ARMC10: variants seen among roughly 807,000 people sequenced by gnomAD.
ARMC10 encodes armadillo repeat containing 10.
Under a neutral mutation model 30.2 loss-of-function variants are expected in ARMC10, and 23 were observed. The observed-to-expected ratio is 0.76, with a 90% CI of 0.55 to 1.08. The LOEUF (loss-of-function observed/expected upper bound fraction) is 1.08. Ranked by LOEUF, ARMC10 falls within the 50% of genes least tolerant of loss-of-function variation. ARMC10 has a pLI of 0.00. For missense variants in ARMC10, 303 were observed against 413.7 expected (o/e 0.73, Z 2.32); for synonymous variants, 111 against 164.4 (o/e 0.68, Z 2.48).
At chr7:103,095,152 T>C (rs565977205) in intron 5 of ARMC10, among the ~76,000 whole-genome samples, 12 of 152,222 alleles carry the variant, frequency 7.9e-5, no homozygotes, top group Admixed American at 3.9e-4. Flanking sequence ...CCAGGCTAGA[T>C]TGCAGTGGCA....
intron 4 of ARMC10, chr7:103,088,760 A>T (rs1332958449): frequency 5.3e-6 from 1 of 187,166 alleles, no homozygotes; most frequent in East Asian, 1.5e-4. Flanking sequence ...AGAACTTATT[A>T]CAGGTTTCAG....
intron 2 of ARMC10, among the ~76,000 whole-genome samples, chr7:103,078,904 G>A (rs2129520062): frequency 6.6e-6 from 1 of 152,262 alleles, no homozygotes; most frequent in East Asian, 1.9e-4. Context: ...AGCTACTCAG[G>A]AGGCTGTTTT....
rs200476156 is a variant in ARMC10, at chr7:103,075,837, C to T, written c.200C>T (p.Thr67Met). Residue 67 changes from threonine (T) to methionine (M), a missense_variant, in exon 2 of 7, where the codon ACG (threonine) becomes ATG (methionine). Transcript: ENST00000323716. Reference protein sequence around the residue: ...QLCGRSARPQTGGTWESQWSK... With the variant: ...QLCGRSARPQMGGTWESQWSK... ...TGCGGGCGCTCGGCCCGGCCTCAGA[C>T]GGGAGGTACCTGGGAGTCACAGTGG... 293 of 1,611,492 alleles carry T rather than the reference C, an allele frequency of 1.8e-4. 1 individual carries two copies. The highest frequency in any genetic ancestry group is 3.0e-4 in the South Asian group (27 of 90,396).
intron 2 of ARMC10, among the ~76,000 whole-genome samples, chr7:103,076,530 T>A (rs1249413829): frequency 6.6e-6 from 1 of 152,172 alleles, no homozygotes; most frequent in Non-Finnish European, 1.5e-5. Context: ...GCCAAATGCT[T>A]ATTTCACTTT....
Position 103,075,757 on chromosome 7 carries a change from A to AG in ARMC10, c.140-18dup. ...GGGCTGTTGAGGGGCCCAGAGCCATAGGTCAATCTCTGCTTGCAGGTGCCC... is the reference window on the plus strand; with the variant it reads ...GGGCTGTTGAGGGGCCCAGAGCCATAGGGTCAATCTCTGCTTGCAGGTGCCC... On this transcript the variant is annotated intron_variant, in intron 1 of 6. Transcript: ENST00000323716. 3.2e-6 allele frequency: 5 copies of AG among 1,581,224 alleles called. No individual in the cohort carries two copies. The highest frequency in any genetic ancestry group is 4.3e-6 in the Non-Finnish European group (5 of 1,161,314).
rs746573747 is a variant in ARMC10, at chr7:103,097,333, A to G, written c.762A>G (p.Gly254=). Residue 254 remains glycine (G), a synonymous_variant, in exon 6 of 7, where the codon GGA becomes GGG. Coordinates refer to ENST00000323716, the MANE Select transcript of ARMC10 (RefSeq NM_031905.5). ...CTGAAAATCCAGCCATGACAGAAGG[A>G]CTTCTCCGTGCCCAAGTAAATAGCT... The part of the protein sequence containing the change: ...NLSENPAMTE[G]LLRAQVDSSF... The G allele has an allele frequency of 5.0e-5, 81 of 1,612,338 alleles. No individual in the cohort carries two copies. Among genetic ancestry groups the G allele is most frequent in the Non-Finnish European group, 6.6e-5 (78 of 1,178,744 alleles).
intron 2 of ARMC10, among the ~76,000 whole-genome samples, chr7:103,081,671 A>G (rs1800395595): frequency 6.6e-6 from 1 of 151,564 alleles, no homozygotes; most frequent in Admixed American, 6.6e-5. Flanking sequence ...CACTGCACCC[A>G]GTCTATAAGC....
intron 3 of ARMC10, 72 bp downstream of exon 3, chr7:103,083,902 A>G: frequency 3.8e-6 from 6 of 1,563,026 alleles, no homozygotes; most frequent in Non-Finnish European, 4.4e-6. Context: ...CCCTGAATAA[A>G]TTACTTAACC....
chr7:103,078,118 C>T (rs1471591956), intron 2 of ARMC10, among the ~76,000 whole-genome samples: 1 of 152,108 alleles, frequency 6.6e-6, no homozygotes, highest in African/African-American at 2.4e-5. Context: ...GCCTCGGCCT[C>T]CGGAGTAGCT....
In ARMC10 at chr7:103,075,169, GC is replaced by G; in HGVS notation, c.-103del. The G allele has an allele frequency of 1.3e-6, 1 of 799,098 alleles. No homozygotes were observed. The highest frequency in any genetic ancestry group is 1.6e-6 in the Non-Finnish European group (1 of 631,872). The allele number at this position is 799,098 out of a possible 1,614,324, so 49.5% of individuals were successfully genotyped here. A position where few individuals can be genotyped will look rare whatever the true frequency, so the allele number is the denominator to read the frequency against. ...CCTTTCTCCACATCCAGGTCAGGTG[GC>G]GTTTGCTGTGGCGGCTAGGCCCGCG... is the stretch of plus-strand genomic sequence containing the variant. On this transcript the variant is annotated 5_prime_UTR_variant, in exon 1 of 7. Coordinates refer to ENST00000323716, the MANE Select transcript of ARMC10 (RefSeq NM_031905.5).
At chr7:103,093,155 TAA>T (rs1025126365) in intron 5 of ARMC10, among the ~76,000 whole-genome samples, 1 of 152,242 alleles carries the variant, frequency 6.6e-6, no homozygotes, top group Non-Finnish European at 1.5e-5. Flanking sequence ...AGATGCCCTA[TAA>T]AAAGTTTCTT....
chr7:103,092,134 C>T (rs1801386990), intron 4 of ARMC10, among the ~76,000 whole-genome samples: 1 of 152,028 alleles, frequency 6.6e-6, no homozygotes, highest in South Asian at 2.1e-4. Flanking sequence ...AGATCGAGAC[C>T]ATCGTGGCTA....
rs887672612 is a variant in ARMC10 at position 103,075,240 on chromosome 7, G to A, written c.-33G>A. ...CTGGCCCCCGCGAGCCTCCTGCCCT[G>A]GCCCGGCGCTGCGGCTCTGCCGCGG... On this transcript the variant is annotated 5_prime_UTR_variant, in exon 1 of 7. Transcript: ENST00000323716. 27 of 1,152,768 alleles carry A rather than the reference G, an allele frequency of 2.3e-5. No homozygotes were observed. The highest frequency in any genetic ancestry group is 2.8e-5 in the Non-Finnish European group (26 of 935,024). The allele number at this position is 1,152,768 out of a possible 1,614,324, so 71.4% of individuals were successfully genotyped here. A position where few individuals can be genotyped will look rare whatever the true frequency, so the allele number is the denominator to read the frequency against.
chr7:103,077,619 A>G (rs1246335615), intron 2 of ARMC10, among the ~76,000 whole-genome samples: 1 of 152,090 alleles, frequency 6.6e-6, no homozygotes, highest in East Asian at 1.9e-4. Flanking sequence ...TCACCTCTTA[A>G]AGGCCTTACC....
intron 2 of ARMC10, among the ~76,000 whole-genome samples, chr7:103,081,575 A>G (rs1800387231): frequency 6.6e-6 from 1 of 152,068 alleles, no homozygotes; most frequent in South Asian, 2.1e-4. Flanking sequence ...GGGTTTCACC[A>G]TGTTGGCCAG....
chr7:103,096,270 G>A (rs1188660991), intron 5 of ARMC10: 1 of 152,180 alleles, frequency 6.6e-6, no homozygotes, highest in Non-Finnish European at 1.5e-5. Flanking sequence ...GGAGGCCAAA[G>A]TGAGAGGATT....
chr7:103,087,317 CTG>C (rs1259063998), intron 4 of ARMC10, among the ~76,000 whole-genome samples: 3 of 152,328 alleles, frequency 2.0e-5, no homozygotes, highest in Non-Finnish European at 4.4e-5. Context: ...TACAGAATAA[CTG>C]TTCCTTTATC....
At chr7:103,080,444 G>T (rs1236520658) in intron 2 of ARMC10, among the ~76,000 whole-genome samples, 2 of 151,002 alleles carry the variant, frequency 1.3e-5, no homozygotes, top group Non-Finnish European at 3.0e-5. Flanking sequence ...TAGTAGAGAC[G>T]GGGTTTCACC....
At chr7:103,085,606 C>CTTCTTTTTTTTTT (rs1563322299) in intron 3 of ARMC10, among the ~76,000 whole-genome samples, 5 of 130,568 alleles carry the variant, frequency 3.8e-5, no homozygotes, top group Admixed American at 7.8e-5. Flanking sequence ...CATTTCTCTT[C>CTTCTTTTTTTTTT]TTTTTTTTTT....
Sources: allele counts gnomAD v4.1 joint callset (sites outside exome capture counted in the v4.1 genomes callset), GRCh38; gene constraint gnomAD v4.1.1; transcripts MANE v1.5; gene names NCBI Gene and HGNC (gene_info 2026-07-23, HGNC 2026-07-21).